The following ASH1L variants were observed in gnomAD, a reference collection of about 807,000 sequenced individuals.
The protein encoded by ASH1L is ASH1 like histone lysine methyltransferase, also known as histone-lysine N-methyltransferase ASH1L.
A neutral mutation model predicts 269.0 loss-of-function variants in ASH1L; 23 were observed. The ratio of observed to expected loss-of-function variants is 0.09; its 90% CI spans 0.06 to 0.12. The LOEUF is 0.12. Ranked by LOEUF, ASH1L falls within the 10% of genes least tolerant of loss-of-function variation. The pLI is 1.00. For missense variants in ASH1L, 2,912 were observed against 3,567.8 expected (o/e 0.82, Z 4.68); for synonymous variants, 1,187 against 1,253.5 (o/e 0.95, Z 1.12).
chr1:155,378,289 G>A lies in ASH1L; in HGVS notation c.6324C>T (p.Cys2108=), dbSNP rs375810509. ...DDTRKGCVDD[C]LNRMIFAECS... ...TCAAAGCATGACAGTACCTATTGAG[G>A]CAGTCATCAACACAGCCCTTCCTGG... The change falls in exon 10 of 28, where the codon TGC becomes TGT. Residue 2108 remains cysteine (C), a synonymous_variant. Coordinates refer to ENST00000392403, the MANE Select transcript of ASH1L (RefSeq NM_018489.3). 46 of 1,612,628 alleles carry A rather than the reference G, an allele frequency of 2.9e-5. No individual in the cohort carries two copies. Among genetic ancestry groups the A allele is most frequent in the Middle Eastern group, 1.7e-4 (1 of 6,058 alleles).
In ASH1L at chr1:155,533,369, G is replaced by GA. The variant is rs549237998; in HGVS notation, c.-99-11752dup. Among the ~76,000 whole-genome samples the GA allele has an allele frequency of 1.4e-4, 22 of 152,112 alleles. No individual in the cohort carries two copies. In the East Asian group the frequency reaches 4.3e-3, roughly 29 times the overall value. Reference sequence around the variant, plus strand: ...ACAGGCTAATGGCCAATAAAAGGCAGAAACAGGTCTGTTTCGCTCCTCTTA... The same window carrying GA: ...ACAGGCTAATGGCCAATAAAAGGCAGAAAACAGGTCTGTTTCGCTCCTCTTA... On this transcript the variant is annotated intron_variant, in intron 1 of 27. Transcript: ENST00000392403.
chr1:155,465,303 A>AC (rs1217213924), intron 3 of ASH1L, among the ~76,000 whole-genome samples: 4 of 151,698 alleles, frequency 2.6e-5, no homozygotes, highest in Non-Finnish European at 4.4e-5. Context: ...AAAAAAAAAA[A>AC]AAAAAAAAAC....
At chr1:155,522,457 A>G (rs1477915577) in intron 1 of ASH1L, among the ~76,000 whole-genome samples, 1 of 152,240 alleles carries the variant, frequency 6.6e-6, no homozygotes, top group South Asian at 2.1e-4. Context: ...CACTGTTGTT[A>G]TAAGAACCTT....
chr1:155,515,189 C>T (rs1349202484), intron 2 of ASH1L, among the ~76,000 whole-genome samples: 2 of 152,122 alleles, frequency 1.3e-5, no homozygotes, highest in East Asian at 3.8e-4. Flanking sequence ...ACAAAAAGAG[C>T]CCAATTCTTC....
At chr1:155,422,363 C>A (rs1396891857) in intron 5 of ASH1L, among the ~76,000 whole-genome samples, 1 of 145,796 alleles carries the variant, frequency 6.9e-6, no homozygotes, top group East Asian at 2.0e-4. Context: ...GGCTGGAGTG[C>A]AATGGCATGA....
intron 6 of ASH1L, among the ~76,000 whole-genome samples, chr1:155,399,220 G>C (rs1658625388): frequency 6.6e-6 from 1 of 152,186 alleles, no homozygotes. Flanking sequence ...AGAAAATGCT[G>C]CTGGGTTCTA....
rs749890726 is a variant in ASH1L at position 155,481,698 on chromosome 1, A to G, written c.1172T>C (p.Ile391Thr). The G allele has an allele frequency of 1.9e-6, 3 of 1,614,164 alleles. No individual in the cohort carries two copies. The highest frequency in any genetic ancestry group is 2.5e-6 in the Non-Finnish European group (3 of 1,180,038). The change falls in exon 3 of 28, where the codon ATT (isoleucine) becomes ACT (threonine). Residue 391 changes from isoleucine to threonine, a missense_variant. Physicochemically the swap from Ile to Thr is moderately conservative, Grantham distance 89. Coordinates refer to ENST00000392403, the MANE Select transcript of ASH1L (RefSeq NM_018489.3). Reference protein sequence around the residue: ...GLVAKDCAKKIVASSAMGLVN... With the variant: ...GLVAKDCAKKTVASSAMGLVN... Reference sequence around the variant, plus strand: ...CAATCCCATTGCTGAACTTGCTACAATCTTCTTTGCACAGTCCTTGGCCAC... The same window carrying G: ...CAATCCCATTGCTGAACTTGCTACAGTCTTCTTTGCACAGTCCTTGGCCAC...
At position 155,354,459 on chromosome 1, in the gene ASH1L, T is replaced by G. The variant is rs1654194324; in HGVS notation, c.7213+14A>C. 1 of 1,601,416 alleles carries G rather than the reference T, an allele frequency of 6.2e-7. No individual in the cohort carries two copies. Among genetic ancestry groups the G allele is most frequent in the Non-Finnish European group, 8.5e-7 (1 of 1,175,440 alleles). On this transcript the variant is annotated intron_variant, in intron 16 of 27. Transcript: ENST00000392403. ...ACTCTGTCTCAAAAAAAAGAAATGT[T>G]TCAAATGCCTTACCAGACTTGATAT...
chr1:155,464,244 C>T (rs1282361994), intron 3 of ASH1L, among the ~76,000 whole-genome samples: 1 of 152,150 alleles, frequency 6.6e-6, no homozygotes, highest in Non-Finnish European at 1.5e-5. Context: ...TATATGAATT[C>T]TAGTTCAAGA....
chr1:155,490,654 A>ACACT (rs1345649483), intron 2 of ASH1L, among the ~76,000 whole-genome samples: 1,686 of 148,338 alleles, frequency 0.011, 34 homozygotes, highest in African/African-American at 0.04. Flanking sequence ...ATACACACAC[A>ACACT]CTCTCTCTCT....
At chr1:155,512,448 C>CTTTTTTT (rs1217608016) in intron 2 of ASH1L, among the ~76,000 whole-genome samples, 1 of 93,720 alleles carries the variant, frequency 1.1e-5, no homozygotes, top group Non-Finnish European at 2.0e-5. Context: ...GGATCTTAGA[C>CTTTTTTT]TTTTTTTTTT....
At chr1:155,419,168 A>G (rs1178766375) in intron 5 of ASH1L, among the ~76,000 whole-genome samples, 1 of 152,158 alleles carries the variant, frequency 6.6e-6, no homozygotes, top group Non-Finnish European at 1.5e-5. Flanking sequence ...TGTGTGGCTG[A>G]CGCAGGAGGA....
At chr1:155,403,142 G>A (rs1462209325) in intron 6 of ASH1L, among the ~76,000 whole-genome samples, 1 of 151,624 alleles carries the variant, frequency 6.6e-6, no homozygotes, top group East Asian at 1.9e-4. Context: ...CCAAGATCGT[G>A]CCATTGCACT....
At chr1:155,471,610 C>A (rs909947089) in intron 3 of ASH1L, among the ~76,000 whole-genome samples, 4 of 152,182 alleles carry the variant, frequency 2.6e-5, no homozygotes, top group African/African-American at 4.8e-5. Flanking sequence ...GTCTGTGGAC[C>A]CTTCTTGCAC....
intron 6 of ASH1L, among the ~76,000 whole-genome samples, chr1:155,404,546 G>A (rs1349931459): frequency 1.3e-5 from 2 of 152,052 alleles, no homozygotes; most frequent in South Asian, 2.1e-4. Context: ...ATGTGGTGAC[G>A]ATGTGAATGA....
In ASH1L at chr1:155,414,378, C is replaced by T. The variant is rs895413283; in HGVS notation, c.6008+1366G>A. 1.3e-4 allele frequency among the ~76,000 whole-genome samples: 20 copies of T among 152,114 alleles called. No homozygotes were observed. In the East Asian group the frequency reaches 2.1e-3, roughly 16 times the overall value. On this transcript the variant is annotated intron_variant, in intron 6 of 27. Transcript: ENST00000392403. ...CAGGCTGGAGTCAATGGCTCGATCT[C>T]GGCTCACTGCAACCTCCGCCTCCCA...
chr1:155,341,732 T>C (rs1356581437), intron 25 of ASH1L, among the ~76,000 whole-genome samples: 1 of 152,166 alleles, frequency 6.6e-6, no homozygotes, highest in Non-Finnish European at 1.5e-5. Context: ...TATAACACTA[T>C]ATCAACAATT....
intron 2 of ASH1L, among the ~76,000 whole-genome samples, chr1:155,486,855 T>TAAAAAAAAAAA (rs869311765): frequency 7.1e-6 from 1 of 140,608 alleles, no homozygotes. Context: ...TATTACAGTT[T>TAAAAAAAAAAA]AAAAAAAAAA....
intron 4 of ASH1L, among the ~76,000 whole-genome samples, chr1:155,449,327 A>G (rs892501390): frequency 1.3e-5 from 2 of 152,160 alleles, no homozygotes; most frequent in African/African-American, 4.8e-5. Context: ...GAAGTGTGTT[A>G]TTTAATTTCC....
Sources: gnomAD v4.1 joint callset for allele counts (sites outside exome capture counted in the v4.1 genomes callset) on GRCh38, gnomAD v4.1.1 for gene constraint, MANE v1.5 for transcripts, NCBI Gene and HGNC (gene_info 2026-07-23, HGNC 2026-07-21) for gene names.